UBA5: variants seen among roughly 807,000 people sequenced by gnomAD.
UBA5 encodes the protein ubiquitin-like modifier-activating enzyme 5.
UBA5 carries 28 observed loss-of-function variants against 52.9 expected under a neutral mutation model. The observed-to-expected ratio is 0.53, with a 90% confidence interval of 0.39 to 0.73. The LOEUF (loss-of-function observed/expected upper bound fraction) is 0.73, where lower values mean the gene tolerates loss of function less well. Among genes scored for constraint, UBA5 ranks in the 30% least tolerant of loss-of-function variants. The probability of loss-of-function intolerance (pLI) is 0.00; values close to 1 mark genes in which losing one functional copy is unlikely to be tolerated. For missense variants in UBA5, 388 were observed against 492.7 expected (o/e 0.79, Z 2.01); for synonymous variants, 135 against 162.1 (o/e 0.83, Z 1.27).
chr3:132,661,767 TAAGG>T (rs1938178531), intron 1 of UBA5, among the ~76,000 whole-genome samples: 1 of 152,158 alleles, frequency 6.6e-6, no homozygotes, highest in Non-Finnish European at 1.5e-5. Flanking sequence ...TTAAAGTAGA[TAAGG>T]AAGATTTTAT....
chr3:132,670,050 G>T (rs35885835), intron 4 of UBA5, 148 bp from the exon 5 acceptor site: 14 of 559,586 alleles, frequency 2.5e-5, no homozygotes, highest in Non-Finnish European at 3.8e-5. Context: ...TAGAGACAGG[G>T]TCTCACTCTG....
upstream of UBA5, chr3:132,659,918 G>A: frequency 1.4e-6 from 1 of 739,176 alleles, no homozygotes; most frequent in South Asian, 2.5e-5. Context: ...ACGCTTGCCC[G>A]CTGAATCCCG....
At position 132,677,239 on chromosome 3, in the gene UBA5, C is replaced by G. The variant is rs749188704; in HGVS notation, c.*713C>G. ...ATTATATTCTGCACCGAACAAGGAA[C>G]AGAAATTATTGCATCTGTGGAACAT... On this transcript the variant is annotated 3_prime_UTR_variant, in exon 12 of 12. Transcript: ENST00000356232. 7 of 167,734 alleles carry G rather than the reference C, an allele frequency of 4.2e-5. No homozygotes were observed. Among genetic ancestry groups the G allele is most frequent in the Non-Finnish European group, 9.1e-5 (7 of 76,592 alleles). The allele number at this position is 167,734 out of a possible 1,614,324, so 10.4% of individuals were successfully genotyped here. A position where few individuals can be genotyped will look rare whatever the true frequency, so the allele number is the denominator to read the frequency against.
chr3:132,676,859 C>A lies in UBA5; in HGVS notation c.*333C>A. ...CTGTAATCTTTTTCTTTCCAGTAAT[C>A]CCTTGTGTCTGTTGCATGAGGACAT... On this transcript the variant is annotated 3_prime_UTR_variant, in exon 12 of 12. Transcript: ENST00000356232. The surrounding 1 kb of genome is among the most constrained non-coding windows in gnomAD (Gnocchi z 4.1). The A allele has an allele frequency of 4.3e-6, 2 of 462,866 alleles. No homozygotes were observed. The highest frequency in any genetic ancestry group is 8.6e-6 in the Non-Finnish European group (2 of 231,366). The allele number at this position is 462,866 out of a possible 1,614,324, so 28.7% of individuals were successfully genotyped here.
In UBA5 at chr3:132,660,798, C is replaced by G; in HGVS notation, c.161+100C>G. 1 of 1,447,688 alleles carries G rather than the reference C, an allele frequency of 6.9e-7. No homozygotes were observed. Among genetic ancestry groups the G allele is most frequent in the Non-Finnish European group, 9.1e-7 (1 of 1,095,262 alleles). The allele number at this position is 1,447,688 out of a possible 1,614,324, so 89.7% of individuals were successfully genotyped here. ...CCCACGTCCCGCTCATGGGGACGCC[C>G]GCCACCCTTTTCTTGGTCTGCGAAT... On this transcript the variant is annotated intron_variant, in intron 1 of 11. Transcript: ENST00000356232. This position sits in a 1 kb window ranked among gnomAD's most constrained non-coding sequence, Gnocchi z 4.1.
At chr3:132,671,556 A>G (rs1476775838) in intron 6 of UBA5, among the ~76,000 whole-genome samples, 2 of 152,154 alleles carry the variant, frequency 1.3e-5, no homozygotes, top group East Asian at 1.9e-4. Flanking sequence ...CTTTGATTCA[A>G]TTTAATAATA....
chr3:132,665,410 G>A (rs988923654), intron 1 of UBA5, among the ~76,000 whole-genome samples: 1 of 152,056 alleles, frequency 6.6e-6, no homozygotes, highest in Non-Finnish European at 1.5e-5. Flanking sequence ...ATCATCTATT[G>A]TGGGCAGAGG....
intron 1 of UBA5, among the ~76,000 whole-genome samples, chr3:132,663,076 T>C (rs1299524922): frequency 2.0e-5 from 3 of 152,190 alleles, no homozygotes; most frequent in African/African-American, 7.2e-5. Context: ...TACTTGATTA[T>C]AGTAACAATT....
At chr3:132,661,427 T>C (rs893978695) in intron 1 of UBA5, among the ~76,000 whole-genome samples, 1 of 152,194 alleles carries the variant, frequency 6.6e-6, no homozygotes, top group Non-Finnish European at 1.5e-5. Flanking sequence ...AAAATCAGTA[T>C]GTATAAAGGT....
chr3:132,665,819 T>C lies in UBA5; in HGVS notation c.162-4T>C, dbSNP rs1209415966. The stretch of plus-strand genomic sequence containing the variant: ...CTTTAAAACATATTTTTCTTTGTTT[T>C]AAGCCGCTTGATGGCATTGAAACGA... On this transcript the variant is annotated splice_region_variant and splice_polypyrimidine_tract_variant and intron_variant, in intron 1 of 11. Coordinates refer to ENST00000356232, the MANE Select transcript of UBA5 (RefSeq NM_024818.6). 1.9e-6 allele frequency: 3 copies of C among 1,613,236 alleles called. No individual in the cohort carries two copies. In the East Asian group the frequency reaches 6.7e-5, roughly 36 times the overall value.
intron 6 of UBA5, among the ~76,000 whole-genome samples, chr3:132,671,297 A>C (rs1938590023): frequency 6.6e-6 from 1 of 152,198 alleles, no homozygotes; most frequent in African/African-American, 2.4e-5. Context: ...ATAAAACAGC[A>C]AATACCTCTG....
chr3:132,668,411 A>C (rs559810235), intron 3 of UBA5: 2 of 153,338 alleles, frequency 1.3e-5, no homozygotes, highest in East Asian at 3.8e-4. Flanking sequence ...GCTTTTAGCA[A>C]AAAAATGGAA....
chr3:132,655,286 C>T (rs1937724237), intron 1 of UBA5, among the ~76,000 whole-genome samples: 1 of 152,222 alleles, frequency 6.6e-6, no homozygotes. Flanking sequence ...ACTCTCAACA[C>T]AAGAAGCAGA....
intron 1 of UBA5, among the ~76,000 whole-genome samples, chr3:132,662,197 T>G (rs900778495): frequency 6.6e-6 from 1 of 152,234 alleles, no homozygotes; most frequent in African/African-American, 2.4e-5. Flanking sequence ...TTGACTTTAT[T>G]AAAATTGCTA....
At chr3:132,670,156 C>A in intron 4 of UBA5, 42 bp from the exon 5 acceptor site, 1 of 982,126 alleles carries the variant, frequency 1.0e-6, no homozygotes, top group Non-Finnish European at 1.6e-6. Flanking sequence ...TCTTGAAATG[C>A]TAGGATTACA....
chr3:132,675,138 T>C (rs1559994349), intron 8 of UBA5, 110 bp from the exon 9 acceptor site: 2 of 814,400 alleles, frequency 2.5e-6, no homozygotes, highest in Non-Finnish European at 3.7e-6. Flanking sequence ...GTTTTCTGGT[T>C]AAAAAAAATA....
intron 8 of UBA5, 26 bp from the exon 9 acceptor site, chr3:132,675,222 A>C (rs753235048): frequency 6.6e-7 from 1 of 1,505,202 alleles, no homozygotes; most frequent in East Asian, 2.3e-5. Flanking sequence ...AAATTTCTTT[A>C]TTTAAGTCTA....
rs1559995929 is a variant in UBA5, at chr3:132,677,090, C to G, written c.*564C>G. The stretch of plus-strand genomic sequence containing the variant: ...CTCTCAAATGTTTGCTGATGAAGTA[C>G]AAGTTGAAATGTAGTTATTGGAAAA... On this transcript the variant is annotated 3_prime_UTR_variant, in exon 12 of 12. Transcript: ENST00000356232. The G allele has an allele frequency of 3.8e-6, 1 of 263,964 alleles. No individual in the cohort carries two copies. Among genetic ancestry groups the G allele is most frequent in the Non-Finnish European group, 7.7e-6 (1 of 129,568 alleles). 16.4% of individuals were successfully genotyped at this position (263,964 alleles called of 1,614,324 possible).
rs1234673255 is a variant in UBA5 at position 132,678,091 on chromosome 3, A to T, written c.*1565A>T. ...TTTTATAAAATTTTACAATTTGATAAAGTATCACATCTAGAATTCACTGTC... is the reference window on the plus strand; with the variant it reads ...TTTTATAAAATTTTACAATTTGATATAGTATCACATCTAGAATTCACTGTC... On this transcript the variant is annotated 3_prime_UTR_variant, in exon 12 of 12. Coordinates refer to ENST00000356232, the MANE Select transcript of UBA5 (RefSeq NM_024818.6). The T allele has an allele frequency of 6.6e-6, 1 of 152,242 alleles. No homozygotes were observed. Among genetic ancestry groups the T allele is most frequent in the Non-Finnish European group, 1.5e-5 (1 of 68,032 alleles). The allele number at this position is 152,242 out of a possible 1,614,324, so 9.4% of individuals were successfully genotyped here.
Sources: gnomAD v4.1 joint callset for allele counts (sites outside exome capture counted in the v4.1 genomes callset) on GRCh38, gnomAD v4.1.1 for gene constraint, Gnocchi (gnomAD v3.1) non-coding constraint, MANE v1.5 for transcripts, NCBI Gene and HGNC (gene_info 2026-07-23, HGNC 2026-07-21) for gene names.